Variants in ZGRF1 observed in about 807,000 individuals in gnomAD.
The protein encoded by ZGRF1 is 5'-3' DNA helicase ZGRF1.
A neutral mutation model predicts 203.5 loss-of-function variants in ZGRF1; 196 were observed. The ratio of observed to expected loss-of-function variants is 0.96; its 90% CI spans 0.86 to 1.08. The LOEUF (loss-of-function observed/expected upper bound fraction) is 1.08. Ranked by LOEUF, ZGRF1 falls within the 50% of genes least tolerant of loss-of-function variation. The pLI, the probability that ZGRF1 is intolerant of heterozygous loss-of-function variation, is 0.00. For missense variants in ZGRF1, 2,326 were observed against 2,416.3 expected (o/e 0.96, Z 0.78); for synonymous variants, 809 against 841.3 (o/e 0.96, Z 0.66).
chr4:112,560,764 T>G lies in ZGRF1; in HGVS notation c.4929A>C (p.Gln1643His). ...HESIEEVKEL[Q>H]THTFPITIIH... ...TGATTGTGATAGGGAAGGTATGAGT[T>G]TGCAGTTCCTTCACTTCTTCAATGC... Residue 1643 changes from glutamine (Q) to histidine (H), a missense_variant, in exon 19 of 28, where the codon CAA becomes CAC. Gln to His is a conservative substitution (Grantham distance 24, BLOSUM62 0). Transcript: ENST00000505019. The G allele has an allele frequency of 6.3e-7, 1 of 1,597,908 alleles. No homozygotes were observed. Among genetic ancestry groups the G allele is most frequent in the Non-Finnish European group, 8.6e-7 (1 of 1,166,822 alleles).
chr4:112,583,413 C>A (rs528566464), intron 15 of ZGRF1, among the ~76,000 whole-genome samples: 1 of 152,022 alleles, frequency 6.6e-6, no homozygotes, highest in Non-Finnish European at 1.5e-5. Flanking sequence ...AAAATAGCCC[C>A]GACTATATAC....
intron 16 of ZGRF1, among the ~76,000 whole-genome samples, chr4:112,573,079 C>A (rs373418949): frequency 6.6e-6 from 1 of 151,812 alleles, no homozygotes; most frequent in East Asian, 1.9e-4. Flanking sequence ...AAGATACTTA[C>A]ACGTTTATAG....
intron 2 of ZGRF1, among the ~76,000 whole-genome samples, 161 bp downstream of exon 2, chr4:112,632,995 G>T (rs1430143960): frequency 6.6e-6 from 1 of 152,222 alleles, no homozygotes; most frequent in East Asian, 1.9e-4. Context: ...GCTAAAAAAG[G>T]TATGCATTGT....
Position 112,619,507 on chromosome 4 carries a change from T to C in ZGRF1, c.535A>G (p.Ile179Val), listed in dbSNP as rs368267749. The C allele has an allele frequency of 8.9e-5, 144 of 1,613,432 alleles. No homozygotes were observed. The highest frequency in any genetic ancestry group is 1.2e-4 in the Non-Finnish European group (136 of 1,179,836). Residue 179 changes from isoleucine to valine, a missense_variant, in exon 6 of 28, where the codon ATT becomes GTT. Ile to Val is a conservative substitution (Grantham distance 29). Transcript: ENST00000505019. ...CTCTCCCTGTTCTTGTAAGTCACAA[T>C]GTTCTCAGGGTCTGCCAGTATATTA... ...VNNILADPEN[I>V]VTYKNRERNA...
rs1249847943 is a variant in ZGRF1, at chr4:112,618,545, A to G, written c.1497T>C (p.Ile499=). The part of the protein sequence containing the change: ...SSNNSRISDD[I]TDMISESKMD... ...TTTTACTTTCAGAAATCATGTCTGT[A>G]ATGTCATCAGAGATCCTAGAATTAT... is the stretch of plus-strand genomic sequence containing the variant. The change falls in exon 6 of 28, where the codon ATT becomes ATC. Residue 499 remains isoleucine (I), a synonymous_variant. Transcript: ENST00000505019. 2.5e-6 allele frequency: 4 copies of G among 1,613,326 alleles called. No homozygotes were observed. In the Admixed American group the frequency reaches 5.0e-5, roughly 20 times the overall value.
intron 10 of ZGRF1, among the ~76,000 whole-genome samples, chr4:112,599,495 G>C (rs910758554): frequency 3.3e-5 from 5 of 151,872 alleles, no homozygotes; most frequent in African/African-American, 4.8e-5. Flanking sequence ...ACCAAGGTGA[G>C]AGGACTGCTT....
intron 22 of ZGRF1, 115 bp from the exon 23 acceptor site, chr4:112,548,495 C>A: frequency 7.0e-6 from 5 of 714,292 alleles, no homozygotes; most frequent in Non-Finnish European, 8.5e-6. Context: ...TAATTTAATT[C>A]CTAGCCATCA....
At position 112,619,030 on chromosome 4, in the gene ZGRF1, T is replaced by C. The variant is rs753391346; in HGVS notation, c.1012A>G (p.Ile338Val). The change falls in exon 6 of 28, where the codon ATA becomes GTA. Residue 338 changes from isoleucine to valine, a missense_variant. Coordinates refer to ENST00000505019, the MANE Select transcript of ZGRF1 (RefSeq NM_018392.5). Reference protein sequence around the residue: ...AMYLSSQSSPIHSSTVDGNDT... With the variant: ...AMYLSSQSSPVHSSTVDGNDT... ...TTCCCATCTACAGTAGAAGAATGTA[T>C]AGGTGAACTCTGTGAGGATAAATAC... 1.9e-5 allele frequency: 31 copies of C among 1,613,916 alleles called. No individual in the cohort carries two copies. Among genetic ancestry groups the C allele is most frequent in the Non-Finnish European group, 2.5e-5 (30 of 1,179,934 alleles).
In ZGRF1 at chr4:112,549,079, A is replaced by T; in HGVS notation, c.5347-699T>A. 8.2e-5 allele frequency among the ~76,000 whole-genome samples: 2 copies of T among 24,380 alleles called. 1 individual carries two copies. The highest frequency in any genetic ancestry group is 3.3e-4 in the African/African-American group (2 of 6,096). 16.0% of individuals were successfully genotyped at this position (24,380 alleles called of 152,430 possible). A position where few individuals can be genotyped will look rare whatever the true frequency, so the allele number is the denominator to read the frequency against. On this transcript the variant is annotated intron_variant, in intron 22 of 27. Coordinates refer to ENST00000505019, the MANE Select transcript of ZGRF1 (RefSeq NM_018392.5). ...CAGTGAGCCGAGATTGCGCCACTGC[A>T]CTCCAGCCTGGGCGACAGAGCGAGA... is the stretch of plus-strand genomic sequence containing the variant.
intron 24 of ZGRF1, among the ~76,000 whole-genome samples, chr4:112,544,802 T>A (rs916016602): frequency 2.0e-5 from 3 of 152,074 alleles, no homozygotes; most frequent in Admixed American, 1.3e-4. Context: ...CAATGACCAA[T>A]GGAAAAGAAT....
In ZGRF1 at chr4:112,618,087, T is replaced by A; in HGVS notation, c.1955A>T (p.Asp652Val). ...LSNFESFKWT[D>V]AVYGDNKEDA... ...TTCTTTATTATCTCCGTATACAGCA[T>A]CAGTCCACTTGAAAGATTCAAAATT... is the stretch of plus-strand genomic sequence containing the variant. The change falls in exon 6 of 28, where the codon GAT becomes GTT. Residue 652 changes from aspartate to valine, a missense_variant. Transcript: ENST00000505019. The A allele has an allele frequency of 1.9e-6, 3 of 1,613,966 alleles. No homozygotes were observed. Among genetic ancestry groups the A allele is most frequent in the Non-Finnish European group, 2.5e-6 (3 of 1,179,926 alleles).
intron 27 of ZGRF1, 54 bp from the exon 28 acceptor site, chr4:112,539,743 A>G (rs1737168511): frequency 1.3e-6 from 2 of 1,564,136 alleles, no homozygotes; most frequent in South Asian, 1.2e-5. Flanking sequence ...AGAGGTCCCA[A>G]TATTATCATG....
chr4:112,599,386 A>G, intron 10 of ZGRF1, among the ~76,000 whole-genome samples: 1 of 151,908 alleles, frequency 6.6e-6, no homozygotes, highest in East Asian at 1.9e-4. Context: ...ATGCAAATGT[A>G]AAAAAATGAG....
chr4:112,571,794 T>C (rs1484059329), intron 16 of ZGRF1, among the ~76,000 whole-genome samples: 1 of 152,192 alleles, frequency 6.6e-6, no homozygotes, highest in African/African-American at 2.4e-5. Context: ...TTCTAAAATA[T>C]ATATGAAAGA....
At chr4:112,561,539 G>C (rs1741979224) in intron 18 of ZGRF1, 1 of 152,360 alleles carries the variant, frequency 6.6e-6, no homozygotes, top group Non-Finnish European at 1.5e-5. Context: ...CTTCATTGTA[G>C]TGAGAAAAAT....
chr4:112,633,218 G>A lies in ZGRF1; in HGVS notation c.-42C>T. The A allele has an allele frequency of 9.0e-6, 14 of 1,548,084 alleles. No homozygotes were observed. Among genetic ancestry groups the A allele is most frequent in the Non-Finnish European group, 1.2e-5 (13 of 1,125,918 alleles). On this transcript the variant is annotated 5_prime_UTR_variant, in exon 2 of 28. Coordinates refer to ENST00000505019, the MANE Select transcript of ZGRF1 (RefSeq NM_018392.5). ...ATAAACCAGCTGGGTCCAGAAAATA[G>A]GAAATATTCAACTATTTATACCACC...
chr4:112,605,069 A>G (rs1750564824), intron 9 of ZGRF1, among the ~76,000 whole-genome samples: 1 of 152,174 alleles, frequency 6.6e-6, no homozygotes, highest in South Asian at 2.1e-4. Context: ...AATAAAAATG[A>G]GTCTCAACTG....
In ZGRF1 at chr4:112,566,154, G is replaced by A. The variant is rs1578297807; in HGVS notation, c.4439-2880C>T. On this transcript the variant is annotated intron_variant, in intron 16 of 27. Transcript: ENST00000505019. ...AATGTGGCACACCATGGAATACTATGCAGCCATAAAAAATGATGAGTTCAT... is the reference window on the plus strand; with the variant it reads ...AATGTGGCACACCATGGAATACTATACAGCCATAAAAAATGATGAGTTCAT... 2.6e-5 allele frequency among the ~76,000 whole-genome samples: 4 copies of A among 152,054 alleles called. 1 individual carries two copies. The East Asian group carries it at 5.8e-4, about 22-fold the overall frequency.
rs77602250 is a variant in ZGRF1 at position 112,626,105 on chromosome 4, G to A, written c.103-2229C>T. Among the ~76,000 whole-genome samples the A allele has an allele frequency of 2.0e-4, 31 of 152,212 alleles. No individual in the cohort carries two copies. In the East Asian group the frequency reaches 5.8e-3, roughly 28 times the overall value. ...GTGTTTGCATAGGGCTGGGGGCTGG[G>A]TACTGAGTAGTAATTGCCAATGAGT... On this transcript the variant is annotated intron_variant, in intron 3 of 27. Transcript: ENST00000505019.
Sources: gnomAD v4.1 joint callset for allele counts (sites outside exome capture counted in the v4.1 genomes callset) on GRCh38, gnomAD v4.1.1 for gene constraint, MANE v1.5 for transcripts, NCBI Gene and HGNC (gene_info 2026-07-23, HGNC 2026-07-21) for gene names.